Variants in CSMD1 observed in about 807,000 individuals in gnomAD.
The protein encoded by CSMD1 is CUB and Sushi multiple domains 1.
Under a neutral mutation model 417.5 loss-of-function variants are expected in CSMD1, and 213 were observed. That is an observed-to-expected ratio of 0.51 (90% CI 0.46 to 0.57). CSMD1 has a LOEUF of 0.57. Ranked by LOEUF, CSMD1 falls within the 20% of genes least tolerant of loss-of-function variation. The probability of loss-of-function intolerance (pLI) is 0.00; values close to 1 mark genes in which losing one functional copy is unlikely to be tolerated. For missense variants in CSMD1, 6,923 were observed against 4,529.7 expected (o/e 1.53, Z -15.17); for synonymous variants, 2,862 against 1,736.8 (o/e 1.65, Z -16.11).
Position 3,584,924 on chromosome 8 carries a change from A to G in CSMD1, c.1222+1212T>C, listed in dbSNP as rs548000070. On this transcript the variant is annotated intron_variant, in intron 9 of 69. Coordinates refer to ENST00000635120, the MANE Select transcript of CSMD1 (RefSeq NM_033225.6). ...TTGAAGTGCTTAAGGGTCTTATGTT[A>G]GAATTGAAAAATGCACAATCAAAGT... 9.8e-5 allele frequency among the ~76,000 whole-genome samples: 15 copies of G among 152,320 alleles called. No homozygotes were observed. In the East Asian group the frequency reaches 2.7e-3, roughly 27 times the overall value.
intron 3 of CSMD1, among the ~76,000 whole-genome samples, chr8:4,052,566 G>C (rs1563059857): frequency 1.3e-5 from 2 of 152,006 alleles, no homozygotes; most frequent in East Asian, 3.9e-4. Context: ...AGCAAGCTGA[G>C]AAAATCACGA....
chr8:3,157,899 A>G lies in CSMD1; in HGVS notation c.5912T>C (p.Ile1971Thr). The change falls in exon 39 of 70, where the codon ATT (isoleucine) becomes ACT (threonine). Residue 1971 changes from isoleucine to threonine, a missense_variant and splice_region_variant. Transcript: ENST00000635120. Reference sequence around the variant, plus strand: ...AGTTACAGAAGGTGCATCCTTACCAATGCACAGGGGAGACGGATAGTTCCA... The same window carrying G: ...AGTTACAGAAGGTGCATCCTTACCAGTGCACAGGGGAGACGGATAGTTCCA... ...RRWNYPSPLC[I>T]ATCGGTLSTL... The G allele has an allele frequency of 6.4e-7, 1 of 1,553,062 alleles. No individual in the cohort carries two copies. The highest frequency in any genetic ancestry group is 8.7e-7 in the Non-Finnish European group (1 of 1,147,586).
chr8:3,121,929 A>G (rs1483966294), intron 41 of CSMD1, among the ~76,000 whole-genome samples: 3 of 152,216 alleles, frequency 2.0e-5, no homozygotes, highest in African/African-American at 7.2e-5. Flanking sequence ...AAATAAAGTT[A>G]TTACATTTTA....
At chr8:3,987,783 C>T (rs138701895) in intron 5 of CSMD1, among the ~76,000 whole-genome samples, 1,695 of 152,276 alleles carry the variant, frequency 0.011, 23 homozygotes, top group Non-Finnish European at 0.016. Flanking sequence ...GCAGGCTCTG[C>T]GCCACGTCAA....
intron 3 of CSMD1, among the ~76,000 whole-genome samples, chr8:4,305,130 G>C (rs1454305974): frequency 6.6e-6 from 1 of 152,166 alleles, no homozygotes; most frequent in East Asian, 1.9e-4. Flanking sequence ...TAATATTGCG[G>C]ATACATGCAT....
In CSMD1 at chr8:4,738,418, G is replaced by C. The variant is rs528003724; in HGVS notation, c.86-100860C>G. The stretch of plus-strand genomic sequence containing the variant: ...AAATGGTGGCAGAAGGAGAAGGGCT[G>C]AGCGAAGGGGGAAAAGCCCCTTATA... On this transcript the variant is annotated intron_variant, in intron 1 of 69. Coordinates refer to ENST00000635120, the MANE Select transcript of CSMD1 (RefSeq NM_033225.6). Among the ~76,000 whole-genome samples the C allele has an allele frequency of 8.8e-4, 134 of 152,246 alleles. No homozygotes were observed. The Middle Eastern group carries it at 0.014, about 15-fold the overall frequency.
chr8:3,073,060 A>G (rs922428529), intron 49 of CSMD1, among the ~76,000 whole-genome samples: 1 of 152,242 alleles, frequency 6.6e-6, no homozygotes, highest in African/African-American at 2.4e-5. Flanking sequence ...CCAAATTCCC[A>G]GTGCTATTTC....
chr8:4,306,752 T>C (rs1403340871), intron 3 of CSMD1, among the ~76,000 whole-genome samples: 1 of 152,060 alleles, frequency 6.6e-6, no homozygotes, highest in Non-Finnish European at 1.5e-5. Flanking sequence ...CGCAGCAGGG[T>C]AGTGTTCTGG....
chr8:4,957,223 G>C (rs1041168204), intron 1 of CSMD1, among the ~76,000 whole-genome samples: 1 of 152,190 alleles, frequency 6.6e-6, no homozygotes, highest in Non-Finnish European at 1.5e-5. Context: ...TTCTGCCTGG[G>C]AGCCTAATAT....
chr8:4,346,987 G>C (rs79264869), intron 3 of CSMD1, among the ~76,000 whole-genome samples: 3,964 of 152,214 alleles, frequency 0.026, 54 homozygotes, highest in Middle Eastern at 0.034. Flanking sequence ...GGGTGCTTGT[G>C]GCTGAGGACA....
chr8:3,278,883 C>T (rs1802515720), intron 26 of CSMD1: 1 of 152,152 alleles, frequency 6.6e-6, no homozygotes, highest in African/African-American at 2.4e-5. Flanking sequence ...GTGAGAGGGA[C>T]ATAACAGCCC....
intron 3 of CSMD1, among the ~76,000 whole-genome samples, chr8:4,185,151 A>AG (rs1798590381): frequency 6.6e-6 from 1 of 150,574 alleles, no homozygotes; most frequent in Admixed American, 6.6e-5. Flanking sequence ...AAAAAAAAAA[A>AG]AAAAAAAAAA....
intron 3 of CSMD1, among the ~76,000 whole-genome samples, chr8:4,113,313 C>CA (rs924801655): frequency 1.4e-5 from 2 of 142,704 alleles, no homozygotes; most frequent in South Asian, 2.2e-4. Flanking sequence ...AAAGACATGT[C>CA]AAAAAAACTA....
In CSMD1 at chr8:3,701,689, A is replaced by T. The variant is rs59021381; in HGVS notation, c.1009+6725T>A. Among the ~76,000 whole-genome samples the T allele has an allele frequency of 1.4e-3, 213 of 152,290 alleles. No individual in the cohort carries two copies. The East Asian group carries it at 0.016, about 11-fold the overall frequency. On this transcript the variant is annotated intron_variant, in intron 7 of 69. Transcript: ENST00000635120. ...TGAAGTATATTTTGCAAAATGGTTC[A>T]ATCAGTCAGGGTATTTACAAAAGAC...
intron 3 of CSMD1, among the ~76,000 whole-genome samples, chr8:4,267,683 T>A (rs569109756): frequency 1.3e-5 from 2 of 152,192 alleles, no homozygotes; most frequent in South Asian, 4.1e-4. Flanking sequence ...CTTCACTCCC[T>A]CCTTAGTGTC....
chr8:3,402,364 C>G (rs112967106), intron 15 of CSMD1, among the ~76,000 whole-genome samples: 161 of 152,190 alleles, frequency 1.1e-3, no homozygotes, highest in African/African-American at 3.8e-3. Context: ...CCGTTTTCTA[C>G]AGACTTTAAG....
At chr8:4,447,502 T>C (rs954118273) in intron 2 of CSMD1, among the ~76,000 whole-genome samples, 3 of 152,204 alleles carry the variant, frequency 2.0e-5, no homozygotes, top group Non-Finnish European at 4.4e-5. Context: ...AAGATGTGAA[T>C]GTTCTTTGGA....
intron 2 of CSMD1, among the ~76,000 whole-genome samples, chr8:4,547,524 T>C (rs1047193910): frequency 3.9e-5 from 6 of 152,206 alleles, no homozygotes; most frequent in Admixed American, 3.3e-4. Flanking sequence ...CTATGCACAC[T>C]CTGCTCTCAC....
At chr8:3,387,208 G>C (rs1811056514) in intron 18 of CSMD1, among the ~76,000 whole-genome samples, 1 of 152,210 alleles carries the variant, frequency 6.6e-6, no homozygotes, top group Non-Finnish European at 1.5e-5. Context: ...CCACGTGCCA[G>C]TTTCAATAAA....
Sources: allele counts gnomAD v4.1 joint callset (sites outside exome capture counted in the v4.1 genomes callset), GRCh38; gene constraint gnomAD v4.1.1; transcripts MANE v1.5; gene names NCBI Gene and HGNC (gene_info 2026-07-23, HGNC 2026-07-21).